Variants in GNAQ observed in about 807,000 individuals in gnomAD.
GNAQ encodes the protein guanine nucleotide-binding protein G(q) subunit alpha.
In GNAQ, 8 loss-of-function variants were observed where a neutral mutation model predicts 43.9. The ratio of observed to expected loss-of-function variants is 0.18; its 90% CI spans 0.11 to 0.33. The LOEUF (loss-of-function observed/expected upper bound fraction) is 0.33, where lower values mean the gene tolerates loss of function less well. GNAQ is among the 10% of genes least tolerant of loss of function. The pLI is 1.00. For missense variants in GNAQ, 158 were observed against 450.8 expected (o/e 0.35, Z 5.88); for synonymous variants, 155 against 170.7 (o/e 0.91, Z 0.71).
intron 2 of GNAQ, among the ~76,000 whole-genome samples, chr9:77,821,404 C>G (rs1459963266): frequency 6.6e-6 from 1 of 151,978 alleles, no homozygotes; most frequent in Admixed American, 6.6e-5. Context: ...AGAACTCAAT[C>G]TCTTTCTTGG....
intron 1 of GNAQ, among the ~76,000 whole-genome samples, chr9:77,992,753 T>C (rs1316516180): frequency 6.6e-6 from 1 of 152,106 alleles, no homozygotes; most frequent in Non-Finnish European, 1.5e-5. Context: ...GAGACCAGCC[T>C]AGCCAACATG....
At chr9:77,823,998 A>C (rs932907121) in intron 2 of GNAQ, among the ~76,000 whole-genome samples, 5 of 152,258 alleles carry the variant, frequency 3.3e-5, no homozygotes, top group African/African-American at 9.6e-5. Flanking sequence ...AACTTTTGAT[A>C]AATCAATGTA....
chr9:78,023,264 T>C (rs1823933218), intron 1 of GNAQ, among the ~76,000 whole-genome samples: 1 of 152,146 alleles, frequency 6.6e-6, no homozygotes, highest in Admixed American at 6.5e-5. Context: ...AAACACACAC[T>C]CACAAATTCC....
In GNAQ at chr9:77,833,248, G is replaced by A. The variant is rs373864011; in HGVS notation, c.322-17478C>T. Among the ~76,000 whole-genome samples, 8 of 152,262 alleles carry A rather than the reference G, an allele frequency of 5.3e-5. No individual in the cohort carries two copies. The East Asian group carries it at 7.7e-4, about 15-fold the overall frequency. On this transcript the variant is annotated intron_variant, in intron 2 of 6. Transcript: ENST00000286548. Reference sequence around the variant, plus strand: ...CTCCCAAAGTGCTGGGATTACAGGCGTGAGCCACCCCGCACCTGGCCTATT... The same window carrying A: ...CTCCCAAAGTGCTGGGATTACAGGCATGAGCCACCCCGCACCTGGCCTATT...
intron 1 of GNAQ, among the ~76,000 whole-genome samples, chr9:77,960,688 TATAGTC>T (rs1823096727): frequency 6.6e-6 from 1 of 151,940 alleles, no homozygotes; most frequent in Non-Finnish European, 1.5e-5. Flanking sequence ...AATAAGAAAA[TATAGTC>T]AATACAAAAT....
At chr9:77,854,710 C>CA (rs1238093430) in intron 2 of GNAQ, among the ~76,000 whole-genome samples, 1 of 152,288 alleles carries the variant, frequency 6.6e-6, no homozygotes, top group East Asian at 1.9e-4. Context: ...AGCACAACCA[C>CA]AAAGTTCAAA....
chr9:77,991,727 C>T (rs947013913), intron 1 of GNAQ, among the ~76,000 whole-genome samples: 1 of 152,144 alleles, frequency 6.6e-6, no homozygotes, highest in African/African-American at 2.4e-5. Context: ...CCGTCCCATG[C>T]TTCCCTCCAA....
chr9:77,983,770 G>T (rs1823398054), intron 1 of GNAQ, among the ~76,000 whole-genome samples: 1 of 151,984 alleles, frequency 6.6e-6, no homozygotes, highest in African/African-American at 2.4e-5. Flanking sequence ...ACCAGCAGGA[G>T]AATTTAGTGA....
chr9:77,730,635 G>A (rs376922778), intron 5 of GNAQ, among the ~76,000 whole-genome samples: 23 of 152,070 alleles, frequency 1.5e-4, no homozygotes, highest in East Asian at 5.8e-4. Context: ...TAAAATATGC[G>A]GGCTGATATA....
At chr9:78,002,277 T>C (rs1368223322) in intron 1 of GNAQ, among the ~76,000 whole-genome samples, 1 of 152,232 alleles carries the variant, frequency 6.6e-6, no homozygotes, top group East Asian at 1.9e-4. Context: ...ACAGAGATTA[T>C]ACCAGTTGTC....
At chr9:77,886,439 T>C (rs1828307565) in intron 2 of GNAQ, among the ~76,000 whole-genome samples, 1 of 150,828 alleles carries the variant, frequency 6.6e-6, no homozygotes, top group Admixed American at 6.6e-5. Context: ...TCCAACCATT[T>C]CTCCCCAGAA....
chr9:77,827,383 T>TAAA (rs5898562), intron 2 of GNAQ, among the ~76,000 whole-genome samples: 2 of 129,186 alleles, frequency 1.5e-5, no homozygotes. Context: ...TTTAAATAAC[T>TAAA]AAAAAAAAAA....
intron 1 of GNAQ, among the ~76,000 whole-genome samples, chr9:77,965,060 A>T (rs929531585): frequency 6.6e-6 from 1 of 151,954 alleles, no homozygotes; most frequent in Non-Finnish European, 1.5e-5. Flanking sequence ...AGCCTCCATT[A>T]CTGTAACTAC....
chr9:77,838,127 G>A (rs1470448315), intron 2 of GNAQ, among the ~76,000 whole-genome samples: 1 of 149,136 alleles, frequency 6.7e-6, no homozygotes, highest in Non-Finnish European at 1.5e-5. Context: ...TGGGATTACA[G>A]GCATTAATGA....
chr9:77,998,383 G>A (rs940393092), intron 1 of GNAQ, among the ~76,000 whole-genome samples: 4 of 152,182 alleles, frequency 2.6e-5, no homozygotes, highest in South Asian at 4.1e-4. Context: ...ACCCAAAAAT[G>A]AACTGCATAA....
intron 1 of GNAQ, among the ~76,000 whole-genome samples, chr9:77,961,534 C>G (rs953704641): frequency 2.0e-5 from 3 of 152,112 alleles, no homozygotes; most frequent in Non-Finnish European, 2.9e-5. Context: ...AACACATAGT[C>G]TGAACAATTC....
intron 1 of GNAQ, among the ~76,000 whole-genome samples, chr9:77,968,368 C>CT (rs1823195199): frequency 6.6e-6 from 1 of 152,026 alleles, no homozygotes; most frequent in South Asian, 2.1e-4. Context: ...AATTATATTC[C>CT]TTTTTTCATT....
At chr9:77,817,124 C>A (rs2118514646) in intron 2 of GNAQ, among the ~76,000 whole-genome samples, 1 of 152,278 alleles carries the variant, frequency 6.6e-6, no homozygotes, top group Non-Finnish European at 1.5e-5. Flanking sequence ...ATCTTACCAG[C>A]CTGGAGTCCT....
chr9:77,756,988 C>T (rs1041060812), intron 5 of GNAQ, among the ~76,000 whole-genome samples: 1 of 152,192 alleles, frequency 6.6e-6, no homozygotes, highest in Non-Finnish European at 1.5e-5. Context: ...TCCATTCACA[C>T]TGATAACAGC....
Sources: allele counts gnomAD v4.1 joint callset (sites outside exome capture counted in the v4.1 genomes callset), GRCh38; gene constraint gnomAD v4.1.1; transcripts MANE v1.5; gene names NCBI Gene and HGNC (gene_info 2026-07-23, HGNC 2026-07-21).